The following MVB12B variants were observed in gnomAD, a reference collection of about 807,000 sequenced individuals.
MVB12B encodes the protein multivesicular body subunit 12B.
In MVB12B, 16 loss-of-function variants were observed where a neutral mutation model predicts 41.6. The observed-to-expected ratio is 0.38, with a 90% CI of 0.26 to 0.58. The LOEUF is 0.58. MVB12B is among the 20% of genes least tolerant of loss of function. The pLI, the probability that MVB12B is intolerant of heterozygous loss-of-function variation, is 0.62. For synonymous variants in MVB12B, 133 were observed against 139.7 expected (o/e 0.95, Z 0.34); for missense variants, 274 against 380.2 (o/e 0.72, Z 2.32).
intron 2 of MVB12B, among the ~76,000 whole-genome samples, chr9:126,379,397 G>T (rs1398039666): frequency 6.6e-6 from 1 of 152,138 alleles, no homozygotes; most frequent in African/African-American, 2.4e-5. Flanking sequence ...AAGCATAGGG[G>T]GTGCTTTGTG....
Position 126,333,595 on chromosome 9 carries a change from G to A in MVB12B, c.81+6585G>A, listed in dbSNP as rs977253270. On this transcript the variant is annotated intron_variant, in intron 1 of 9. Transcript: ENST00000361171. The surrounding 1 kb of genome is among the most constrained non-coding windows in gnomAD (Gnocchi z 4.7). ...ATTTTTGTATTTTTAGTAGAGATGC[G>A]GTTTTGCCATGTTGGCCAGGCTGGT... Among the ~76,000 whole-genome samples the A allele has an allele frequency of 2.0e-5, 3 of 151,642 alleles. No individual in the cohort carries two copies. Among genetic ancestry groups the A allele is most frequent in the East Asian group, 1.9e-4 (1 of 5,146 alleles).
rs1830896825 is a variant in MVB12B at position 126,389,888 on chromosome 9, C to T, written c.410-2178C>T. Among the ~76,000 whole-genome samples the T allele has an allele frequency of 6.6e-6, 1 of 152,124 alleles. No individual in the cohort carries two copies. Among genetic ancestry groups the T allele is most frequent in the South Asian group, 2.1e-4 (1 of 4,824 alleles). On this transcript the variant is annotated intron_variant, in intron 4 of 9. Coordinates refer to ENST00000361171, the MANE Select transcript of MVB12B (RefSeq NM_033446.3). The surrounding 1 kb of genome is among the most constrained non-coding windows in gnomAD (Gnocchi z 4.4). ...GGTCTGGATTCAGAACGTTGTTTCT[C>T]TCTGCTCGTAGATCTGCTCTAGCCC...
intron 6 of MVB12B, among the ~76,000 whole-genome samples, chr9:126,409,664 C>T (rs1301824484): frequency 6.6e-6 from 1 of 152,114 alleles, no homozygotes; most frequent in Non-Finnish European, 1.5e-5. Context: ...TCACCAGCAC[C>T]CCTCCAGCAC....
At chr9:126,442,300 T>C (rs1309020249) in intron 7 of MVB12B, among the ~76,000 whole-genome samples, 3 of 152,186 alleles carry the variant, frequency 2.0e-5, no homozygotes, top group Non-Finnish European at 4.4e-5. Context: ...TCTTCTGGGG[T>C]TCTATCTAAC....
chr9:126,395,973 G>T lies in MVB12B; in HGVS notation c.662+276G>T. 1 of 1,249,006 alleles carries T rather than the reference G, an allele frequency of 8.0e-7. No homozygotes were observed. The highest frequency in any genetic ancestry group is 1.0e-6 in the Non-Finnish European group (1 of 991,220). 77.4% of individuals were successfully genotyped at this position (1,249,006 alleles called of 1,614,324 possible). On this transcript the variant is annotated intron_variant, in intron 6 of 9. Transcript: ENST00000361171. This position sits in a 1 kb window ranked among gnomAD's most constrained non-coding sequence, Gnocchi z 4.9. ...TAAAATTGGCTCCCTATTCAAAAGAGCTGCTAGCTACACACAGACACGTGC... is the reference window on the plus strand; with the variant it reads ...TAAAATTGGCTCCCTATTCAAAAGATCTGCTAGCTACACACAGACACGTGC...
intron 2 of MVB12B, among the ~76,000 whole-genome samples, chr9:126,346,409 GC>G (rs1829589187): frequency 6.6e-6 from 1 of 152,128 alleles, no homozygotes. Context: ...GGATGAGAGT[GC>G]CACAGGATGT....
At position 126,392,355 on chromosome 9, in the gene MVB12B, C is replaced by G. The variant is rs112032652; in HGVS notation, c.539+160C>G. 6.6e-6 allele frequency among the ~76,000 whole-genome samples: 1 copy of G among 152,218 alleles called. No individual in the cohort carries two copies. The highest frequency in any genetic ancestry group is 1.5e-5 in the Non-Finnish European group (1 of 68,044). ...CCTCGCTGCCCTTCCTGCTCAGCTGCGGTCTCTCTGAGCCTCGGCTCGCAC... is the reference window on the plus strand; with the variant it reads ...CCTCGCTGCCCTTCCTGCTCAGCTGGGGTCTCTCTGAGCCTCGGCTCGCAC... On this transcript the variant is annotated intron_variant, in intron 5 of 9. Coordinates refer to ENST00000361171, the MANE Select transcript of MVB12B (RefSeq NM_033446.3). This position sits in a 1 kb window ranked among gnomAD's most constrained non-coding sequence, Gnocchi z 4.8.
intron 6 of MVB12B, among the ~76,000 whole-genome samples, chr9:126,410,524 G>A (rs1408702615): frequency 6.6e-6 from 1 of 152,170 alleles, no homozygotes; most frequent in Non-Finnish European, 1.5e-5. Context: ...GAGGAATGGT[G>A]CAAGTGCCCA....
At chr9:126,356,233 TGA>T (rs1829877286) in intron 2 of MVB12B, among the ~76,000 whole-genome samples, 1 of 152,250 alleles carries the variant, frequency 6.6e-6, no homozygotes, top group Non-Finnish European at 1.5e-5. Flanking sequence ...TACTATGTTT[TGA>T]TCCTCAGTGC....
Position 126,468,213 on chromosome 9 carries a change from G to T in MVB12B, c.758-13156G>T, listed in dbSNP as rs770846415. Among the ~76,000 whole-genome samples the T allele has an allele frequency of 1.3e-5, 2 of 152,082 alleles. No homozygotes were observed. The highest frequency in any genetic ancestry group is 2.9e-5 in the Non-Finnish European group (2 of 68,018). On this transcript the variant is annotated intron_variant, in intron 7 of 9. Coordinates refer to ENST00000361171, the MANE Select transcript of MVB12B (RefSeq NM_033446.3). The surrounding 1 kb of genome is among the most constrained non-coding windows in gnomAD (Gnocchi z 4.3). ...CCAGAATATTTCATCTTCTCTCATG[G>T]TCTCAATTATCACCATGCTGGTTAC... is the stretch of plus-strand genomic sequence containing the variant.
intron 7 of MVB12B, among the ~76,000 whole-genome samples, chr9:126,442,877 T>C (rs972880686): frequency 2.0e-5 from 3 of 152,150 alleles, no homozygotes; most frequent in Non-Finnish European, 4.4e-5. Flanking sequence ...TACAGGGAAG[T>C]GGGAACACAT....
At chr9:126,346,167 C>G (rs919234567) in intron 2 of MVB12B, among the ~76,000 whole-genome samples, 2 of 152,066 alleles carry the variant, frequency 1.3e-5, no homozygotes, top group African/African-American at 4.8e-5. Flanking sequence ...TTGGTTGGCA[C>G]GGAAAACCCT....
chr9:126,400,995 G>GA (rs1392993586), intron 6 of MVB12B, among the ~76,000 whole-genome samples: 1 of 152,140 alleles, frequency 6.6e-6, no homozygotes, highest in African/African-American at 2.4e-5. Flanking sequence ...GGCTCTCCTA[G>GA]AAAATCTGCA....
chr9:126,401,778 A>T (rs1382327899), intron 6 of MVB12B, among the ~76,000 whole-genome samples: 1 of 152,246 alleles, frequency 6.6e-6, no homozygotes, highest in Non-Finnish European at 1.5e-5. Context: ...TTCCCTCTGG[A>T]CATGGGGATC....
intron 7 of MVB12B, among the ~76,000 whole-genome samples, chr9:126,465,898 G>A (rs1174248083): frequency 5.9e-5 from 9 of 152,174 alleles, no homozygotes; most frequent in Non-Finnish European, 1.5e-5. Context: ...GCTAGTGCCT[G>A]GTGGGCCTGG....
At chr9:126,474,595 C>T (rs1200317926) in intron 7 of MVB12B, among the ~76,000 whole-genome samples, 4 of 152,182 alleles carry the variant, frequency 2.6e-5, no homozygotes, top group East Asian at 1.9e-4. Context: ...CCCAGCAAGT[C>T]GCTGTCTGCG....
intron 7 of MVB12B, among the ~76,000 whole-genome samples, chr9:126,452,292 G>A (rs1832902235): frequency 6.6e-6 from 1 of 152,206 alleles, no homozygotes; most frequent in South Asian, 2.1e-4. Flanking sequence ...CCAACTACTT[G>A]CTGGTCATTC....
intron 2 of MVB12B, among the ~76,000 whole-genome samples, chr9:126,344,108 T>A (rs572507): frequency 0.82 from 124,750 of 151,664 alleles, 51,765 homozygotes; most frequent in South Asian, 0.91. Context: ...ACTCCAGAAC[T>A]TTTTAATTTT....
At chr9:126,451,150 C>G (rs978324495) in intron 7 of MVB12B, among the ~76,000 whole-genome samples, 3 of 152,176 alleles carry the variant, frequency 2.0e-5, no homozygotes, top group Admixed American at 6.5e-5. Flanking sequence ...GTATTCCCAG[C>G]CTTGCCTTTC....
Sources: gnomAD v4.1 joint callset for allele counts (sites outside exome capture counted in the v4.1 genomes callset) on GRCh38, gnomAD v4.1.1 for gene constraint, Gnocchi (gnomAD v3.1) non-coding constraint, MANE v1.5 for transcripts, NCBI Gene and HGNC (gene_info 2026-07-23, HGNC 2026-07-21) for gene names.